Variants in C4BPB observed in about 807,000 individuals in gnomAD.
C4BPB encodes C4b-binding protein beta chain.
C4BPB carries 19 observed loss-of-function variants against 26.6 expected under a neutral mutation model. The ratio of observed to expected loss-of-function variants is 0.71; its 90% CI spans 0.50 to 1.05. The LOEUF is 1.05. C4BPB is among the 50% of genes least tolerant of loss of function. The pLI is 0.00. For synonymous variants in C4BPB, 118 were observed against 103.5 expected, an observed-to-expected ratio of 1.14 and a Z score of -0.85; for missense variants, 282 against 302.9, an observed-to-expected ratio of 0.93 and a Z score of 0.51.
intron 4 of C4BPB, among the ~76,000 whole-genome samples, chr1:207,092,759 C>T (rs1684085596): frequency 6.6e-6 from 1 of 151,622 alleles, no homozygotes; most frequent in Admixed American, 6.6e-5. Flanking sequence ...TCCCGAGTAG[C>T]TGGGTTACAG....
rs1437314620 is a variant in C4BPB at position 207,089,546 on chromosome 1, T to C, written c.15T>C (p.Cys5=). Residue 5 remains cysteine (C), a synonymous_variant, in exon 2 of 7, where the codon TGT becomes TGC. Transcript: ENST00000367078. Reference sequence around the variant, plus strand: ...TTGATCACCAGATGTTTTTTTGGTGTGCGTGCTGTCTTATGGTTGCGTGGC... The same window carrying C: ...TTGATCACCAGATGTTTTTTTGGTGCGCGTGCTGTCTTATGGTTGCGTGGC... MFFW[C]ACCLMVAWRV... 3 of 1,614,090 alleles carry C rather than the reference T, an allele frequency of 1.9e-6. No homozygotes were observed. The highest frequency in any genetic ancestry group is 2.5e-6 in the Non-Finnish European group (3 of 1,179,974).
At chr1:207,099,404 T>G (rs1684379738) in intron 6 of C4BPB, among the ~76,000 whole-genome samples, 1 of 152,170 alleles carries the variant, frequency 6.6e-6, no homozygotes, top group African/African-American at 2.4e-5. Context: ...GTGGCCCAGT[T>G]CCTAATAGTC....
chr1:207,096,781 A>C (rs1203363338), intron 5 of C4BPB, among the ~76,000 whole-genome samples, 166 bp downstream of exon 5: 1 of 152,124 alleles, frequency 6.6e-6, no homozygotes, highest in Non-Finnish European at 1.5e-5. Context: ...GCTCTCCTCA[A>C]TCCCTAGAAG....
At position 207,096,580 on chromosome 1, in the gene C4BPB, C is replaced by A. The variant is rs773031881; in HGVS notation, c.468C>A (p.Thr156=). ...VHGYFEGNNF[T]LGSTISYYCE... is the part of the protein sequence containing the mutation. ...GCTATTTTGAAGGAAATAACTTCAC[C>A]TTAGGATCCACCATTAGTTATTACT... is the stretch of plus-strand genomic sequence containing the variant. The change falls in exon 5 of 7, where the codon ACC becomes ACA. Residue 156 remains threonine (T), a synonymous_variant. Coordinates refer to ENST00000367078, the MANE Select transcript of C4BPB (RefSeq NM_001017365.3). The A allele has an allele frequency of 6.2e-7, 1 of 1,607,044 alleles. No homozygotes were observed. The highest frequency in any genetic ancestry group is 8.5e-7 in the Non-Finnish European group (1 of 1,174,638).
intron 4 of C4BPB, 91 bp downstream of exon 4, chr1:207,091,911 T>C: frequency 8.2e-6 from 9 of 1,095,180 alleles, no homozygotes; most frequent in Non-Finnish European, 1.1e-5. Context: ...TGCTTTTCTC[T>C]TTTTTTGTAT....
At chr1:207,089,652 G>C (rs181145952) in intron 2 of C4BPB, 63 bp downstream of exon 2, 433 of 1,377,064 alleles carry the variant, frequency 3.1e-4, no homozygotes, top group Non-Finnish European at 4.1e-4. Flanking sequence ...GTGTTTTGAG[G>C]AACTCTGTCT....
At chr1:207,097,516 C>G (rs1397606518) in intron 5 of C4BPB, among the ~76,000 whole-genome samples, 1 of 139,112 alleles carries the variant, frequency 7.2e-6, no homozygotes, top group Non-Finnish European at 1.5e-5. Context: ...AATCACTGTG[C>G]CTGGCCTAAA....
At chr1:207,095,556 T>C in intron 4 of C4BPB, 1 of 387,822 alleles carries the variant, frequency 2.6e-6, no homozygotes, top group South Asian at 1.9e-5. Context: ...CTCAAATTCC[T>C]GACCTCAGGT....
intron 4 of C4BPB, among the ~76,000 whole-genome samples, chr1:207,092,861 G>A (rs188638714): frequency 9.2e-5 from 14 of 152,030 alleles, no homozygotes; most frequent in African/African-American, 1.2e-4. Context: ...TCCTGATCTC[G>A]TGATCCACCC....
At position 207,099,969 on chromosome 1, in the gene C4BPB, A is replaced by G. The variant is rs558695883; in HGVS notation, c.*40A>G. ...AGATGTAATAGAAATAAACCTATGA[A>G]TAAATTTTCTTCTTGGTTCTGAAAT... is the stretch of plus-strand genomic sequence containing the variant. On this transcript the variant is annotated 3_prime_UTR_variant, in exon 7 of 7. Transcript: ENST00000367078. 10 of 1,561,676 alleles carry G rather than the reference A, an allele frequency of 6.4e-6. 1 individual carries two copies. The South Asian group carries it at 1.2e-4, about 19-fold the overall frequency.
chr1:207,096,396 T>C (rs1396820250), intron 4 of C4BPB, 126 bp from the exon 5 acceptor site: 3 of 698,594 alleles, frequency 4.3e-6, no homozygotes, highest in Non-Finnish European at 7.9e-6. Context: ...TGTGAGGATG[T>C]CAGGTGCTGG....
chr1:207,095,104 C>T, intron 4 of C4BPB: 1 of 325,010 alleles, frequency 3.1e-6, no homozygotes, highest in Non-Finnish European at 6.0e-6. Flanking sequence ...TTTTGATCGA[C>T]ATGTTTAGTG....
chr1:207,093,731 C>T (rs927722272), intron 4 of C4BPB, among the ~76,000 whole-genome samples: 2 of 152,090 alleles, frequency 1.3e-5, no homozygotes, highest in African/African-American at 4.8e-5. Context: ...TCATAAAACT[C>T]AGGAAGTCAT....
chr1:207,098,279 C>A lies in C4BPB; in HGVS notation c.618+15C>A. ...AGAAGGCACTTGTAAGTAGGAGGCT[C>A]ATATCTGTCTTGTTCACAGCTGGAT... On this transcript the variant is annotated intron_variant, in intron 6 of 6. Transcript: ENST00000367078. The A allele has an allele frequency of 6.8e-7, 1 of 1,462,458 alleles. No individual in the cohort carries two copies. Among genetic ancestry groups the A allele is most frequent in the African/African-American group, 1.4e-5 (1 of 72,156 alleles). 90.6% of individuals were successfully genotyped at this position (1,462,458 alleles called of 1,614,324 possible). A position where few individuals can be genotyped will look rare whatever the true frequency, so the allele number is the denominator to read the frequency against.
In C4BPB at chr1:207,098,182, G is replaced by A; in HGVS notation, c.536G>A (p.Cys179Tyr). Residue 179 changes from cysteine (C) to tyrosine (Y), a missense_variant, in exon 6 of 7, where the codon TGC becomes TAC. By Grantham distance (194) the Cys-to-Tyr change is radical. Coordinates refer to ENST00000367078, the MANE Select transcript of C4BPB (RefSeq NM_001017365.3). ...YYLVGVQEQQ[C>Y]VDGEWSSALP... ...TTAGTGGGCGTGCAGGAGCAGCAAT[G>A]CGTTGATGGGGAGTGGAGCAGTGCA... 2 of 1,614,128 alleles carry A rather than the reference G, an allele frequency of 1.2e-6. No individual in the cohort carries two copies. The highest frequency in any genetic ancestry group is 1.7e-6 in the Non-Finnish European group (2 of 1,179,946).
At chr1:207,099,323 G>C (rs1354238359) in intron 6 of C4BPB, among the ~76,000 whole-genome samples, 2 of 152,216 alleles carry the variant, frequency 1.3e-5, no homozygotes, top group Admixed American at 1.3e-4. Context: ...AGGCAGCAAT[G>C]TGAGCAAAGC....
chr1:207,091,716 A>C lies in C4BPB; in HGVS notation c.305A>C (p.Lys102Thr). 6.2e-7 allele frequency: 1 copy of C among 1,614,042 alleles called. No homozygotes were observed. The highest frequency in any genetic ancestry group is 8.5e-7 in the Non-Finnish European group (1 of 1,179,960). ...SSSGPVNVSD[K>T]ITFMCNDHYI... The stretch of plus-strand genomic sequence containing the variant: ...TCAGGGCCTGTGAATGTAAGTGACA[A>C]AATCACGTTTATGTGCAATGACCAC... The change falls in exon 4 of 7, where the codon AAA (lysine) becomes ACA (threonine). Residue 102 changes from lysine to threonine, a missense_variant. Physicochemically the swap from Lys to Thr is moderately conservative, Grantham distance 78. Coordinates refer to ENST00000367078, the MANE Select transcript of C4BPB (RefSeq NM_001017365.3).
chr1:207,096,548 G>T lies in C4BPB; in HGVS notation c.436G>T (p.Val146Phe). 1 of 1,609,752 alleles carries T rather than the reference G, an allele frequency of 6.2e-7. No individual in the cohort carries two copies. The highest frequency in any genetic ancestry group is 8.5e-7 in the Non-Finnish European group (1 of 1,176,488). Residue 146 changes from valine (V) to phenylalanine (F), a missense_variant, in exon 5 of 7, where the codon GTT (valine) becomes TTT (phenylalanine). Physicochemically the swap from Val to Phe is conservative, Grantham distance 50 (BLOSUM62 -1). Transcript: ENST00000367078. ...GGACTGTGACCCTCCTGGGAATCCA[G>T]TTCATGGCTATTTTGAAGGAAATAA... is the stretch of plus-strand genomic sequence containing the variant. ...SRDCDPPGNPVHGYFEGNNFT... is the reference protein window; with the variant it reads ...SRDCDPPGNPFHGYFEGNNFT...
chr1:207,098,957 G>C (rs1252518089), intron 6 of C4BPB, among the ~76,000 whole-genome samples: 1 of 152,144 alleles, frequency 6.6e-6, no homozygotes, highest in Non-Finnish European at 1.5e-5. Context: ...TCAGGCATTA[G>C]AATCTCATCT....
Sources: allele counts gnomAD v4.1 joint callset (sites outside exome capture counted in the v4.1 genomes callset), GRCh38; gene constraint gnomAD v4.1.1; transcripts MANE v1.5; gene names NCBI Gene and HGNC (gene_info 2026-07-23, HGNC 2026-07-21).